LRCH4: variants seen among roughly 807,000 people sequenced by gnomAD.
LRCH4 encodes the protein leucine-rich repeat and calponin homology domain-containing protein 4.
Under a neutral mutation model 81.2 loss-of-function variants are expected in LRCH4, and 56 were observed. The observed-to-expected ratio is 0.69, with a 90% confidence interval of 0.56 to 0.86. The LOEUF is 0.86. Among genes scored for constraint, LRCH4 ranks in the 40% least tolerant of loss-of-function variants. LRCH4 has a pLI of 0.00. For synonymous variants in LRCH4, 442 were observed against 409.7 expected (o/e 1.08, Z -0.95); for missense variants, 895 against 922.8 (o/e 0.97, Z 0.39).
chr7:100,581,984 A>G, intron 3 of LRCH4, 57 bp downstream of exon 3: 1 of 1,601,788 alleles, frequency 6.2e-7, no homozygotes, highest in East Asian at 2.2e-5. Context: ...ACCTCCCCCT[A>G]GAAGGTCCCG....
chr7:100,578,908 G>A lies in LRCH4; in HGVS notation c.599-122C>T, dbSNP rs1801453248. The A allele has an allele frequency of 9.5e-7, 1 of 1,050,846 alleles. No homozygotes were observed. The highest frequency in any genetic ancestry group is 1.6e-5 in the African/African-American group (1 of 62,360). 65.1% of individuals were successfully genotyped at this position (1,050,846 alleles called of 1,614,324 possible). On this transcript the variant is annotated intron_variant, in intron 4 of 17. Coordinates refer to ENST00000310300, the MANE Select transcript of LRCH4 (RefSeq NM_002319.5). This position sits in a 1 kb window ranked among gnomAD's most constrained non-coding sequence, Gnocchi z 5.7. ...GGGCCCAGCACAGCCTCTCCCCTGGGTGGCTCAAGTCATTCCCCGGGAGAA... is the reference window on the plus strand; with the variant it reads ...GGGCCCAGCACAGCCTCTCCCCTGGATGGCTCAAGTCATTCCCCGGGAGAA...
intron 1 of LRCH4, among the ~76,000 whole-genome samples, chr7:100,584,429 C>G (rs1052881670): frequency 2.1e-5 from 3 of 142,004 alleles, no homozygotes; most frequent in East Asian, 2.4e-4. Flanking sequence ...AGGAGGGGGC[C>G]GGGGGCGGGA....
chr7:100,579,463 G>A (rs908700737), intron 4 of LRCH4: 2 of 152,210 alleles, frequency 1.3e-5, no homozygotes, highest in Admixed American at 1.3e-4. Flanking sequence ...CGGGTGTGGT[G>A]GCGGACGCCT....
At position 100,578,763 on chromosome 7, in the gene LRCH4, G is replaced by A. The variant is rs551961361; in HGVS notation, c.622C>T (p.Arg208Cys). The change falls in exon 5 of 18, where the codon CGC (arginine) becomes TGC (cysteine). Residue 208 changes from arginine (R) to cysteine (C), a missense_variant. Physicochemically the swap from Arg to Cys is radical, Grantham distance 180. This residue lies in a region of LRCH4 where 360 missense variants were observed against 397.0 expected (regional missense o/e 0.91). Transcript: ENST00000310300. The surrounding 1 kb of genome is among the most constrained non-coding windows in gnomAD (Gnocchi z 5.7). Reference sequence around the variant, plus strand: ...ACGCGGTTACAGGAGAAATCCAGGCGGACCAGAGGGAGGTCCCCCAGCTCT... The same window carrying A: ...ACGCGGTTACAGGAGAAATCCAGGCAGACCAGAGGGAGGTCCCCCAGCTCT... The part of the protein sequence containing the change: ...PEELGDLPLV[R>C]LDFSCNRVSR... The A allele has an allele frequency of 1.8e-4, 286 of 1,613,674 alleles. 3 individuals are homozygous for A. The South Asian group carries it at 2.6e-3, about 15-fold the overall frequency.
rs769644731 is a variant in LRCH4 at position 100,582,369 on chromosome 7, C to G, written c.311G>C (p.Arg104Thr). 1 of 1,614,020 alleles carries G rather than the reference C, an allele frequency of 6.2e-7. No homozygotes were observed. The highest frequency in any genetic ancestry group is 1.3e-5 in the African/African-American group (1 of 74,928). Residue 104 changes from arginine to threonine, a missense_variant, in exon 2 of 18, where the codon AGA (arginine) becomes ACA (threonine). Physicochemically the swap from Arg to Thr is moderately conservative, Grantham distance 71 (BLOSUM62 -1). Around this residue, in one of 3 missense-constraint regions of LRCH4, gnomAD observed 360 missense variants for 397.0 expected, o/e 0.91. Coordinates refer to ENST00000310300, the MANE Select transcript of LRCH4 (RefSeq NM_002319.5). The surrounding 1 kb of genome is among the most constrained non-coding windows in gnomAD (Gnocchi z 5.0). Reference sequence around the variant, plus strand: ...ATTCCCCAAGGCTGGGTTCAGGCATCTCAGGCAATTGTGGTAGAGGCTCAG... The same window carrying G: ...ATTCCCCAAGGCTGGGTTCAGGCATGTCAGGCAATTGTGGTAGAGGCTCAG... ...EGLSLYHNCL[R>T]CLNPALGNLT...
At position 100,579,014 on chromosome 7, in the gene LRCH4, T is replaced by A. The variant is rs1801455982; in HGVS notation, c.599-228A>T. ...TGAGAGGGCCCATCTGGACGTCAGCTCAGCTTCCCCGGGAAGGCCCATCCG... is the reference window on the plus strand; with the variant it reads ...TGAGAGGGCCCATCTGGACGTCAGCACAGCTTCCCCGGGAAGGCCCATCCG... On this transcript the variant is annotated intron_variant, in intron 4 of 17. Coordinates refer to ENST00000310300, the MANE Select transcript of LRCH4 (RefSeq NM_002319.5). 2.0e-5 allele frequency: 11 copies of A among 555,020 alleles called. No homozygotes were observed. The South Asian group carries it at 2.4e-4, about 12-fold the overall frequency. 34.4% of individuals were successfully genotyped at this position (555,020 alleles called of 1,614,324 possible). A position where few individuals can be genotyped will look rare whatever the true frequency, so the allele number is the denominator to read the frequency against.
At chr7:100,580,555 A>C (rs1801506204) in intron 4 of LRCH4, 1 of 150,486 alleles carries the variant, frequency 6.6e-6, no homozygotes, top group Non-Finnish European at 1.5e-5. Context: ...ACACACACCC[A>C]AACACACACA....
Position 100,575,791 on chromosome 7 carries a change from G to A in LRCH4, c.1777-9C>T. On this transcript the variant is annotated splice_polypyrimidine_tract_variant and intron_variant, in intron 16 of 17. Transcript: ENST00000310300. The surrounding 1 kb of genome is among the most constrained non-coding windows in gnomAD (Gnocchi z 5.3). Reference sequence around the variant, plus strand: ...AGGGCACTGAGTTTTGGCTGGGGTGGGTGAAAGAAGAAAATGTGGTAAGGG... The same window carrying A: ...AGGGCACTGAGTTTTGGCTGGGGTGAGTGAAAGAAGAAAATGTGGTAAGGG... The A allele has an allele frequency of 2.5e-6, 4 of 1,607,398 alleles. No homozygotes were observed. The highest frequency in any genetic ancestry group is 1.3e-5 in the African/African-American group (1 of 74,858).
rs1801415563 is a variant in LRCH4, at chr7:100,577,659, C to G, written c.1116+5G>C. 1 of 1,613,558 alleles carries G rather than the reference C, an allele frequency of 6.2e-7. No individual in the cohort carries two copies. The highest frequency in any genetic ancestry group is 8.5e-7 in the Non-Finnish European group (1 of 1,180,008). On this transcript the variant is annotated splice_donor_5th_base_variant and intron_variant, in intron 9 of 17. Transcript: ENST00000310300. The surrounding 1 kb of genome is among the most constrained non-coding windows in gnomAD (Gnocchi z 6.7). ...CCCTTGGGAGAGGCATAGCTGGGCT[C>G]TCACCTCCACAGTGCCTCGCTCTTC... is the stretch of plus-strand genomic sequence containing the variant.
In LRCH4 at chr7:100,582,524, C is replaced by T; in HGVS notation, c.221-65G>A. 6.5e-7 allele frequency: 1 copy of T among 1,530,602 alleles called. No individual in the cohort carries two copies. Among genetic ancestry groups the T allele is most frequent in the African/African-American group, 1.4e-5 (1 of 73,376 alleles). 94.8% of individuals were successfully genotyped at this position (1,530,602 alleles called of 1,614,324 possible). A position where few individuals can be genotyped will look rare whatever the true frequency, so the allele number is the denominator to read the frequency against. On this transcript the variant is annotated intron_variant, in intron 1 of 17. Coordinates refer to ENST00000310300, the MANE Select transcript of LRCH4 (RefSeq NM_002319.5). The surrounding 1 kb of genome is among the most constrained non-coding windows in gnomAD (Gnocchi z 5.0). The stretch of plus-strand genomic sequence containing the variant: ...CCAGCCCGGACAGGACCTTCAGTCC[C>T]CCCAGAGCCGGCTGCCCACTCCCTC...
chr7:100,576,297 T>G lies in LRCH4; in HGVS notation c.1579A>C (p.Arg527=). The change falls in exon 15 of 18, where the codon AGA becomes CGA. Residue 527 remains arginine, a synonymous_variant. Coordinates refer to ENST00000310300, the MANE Select transcript of LRCH4 (RefSeq NM_002319.5). ...GGAACCTGGGGGTACCGCCGAGGTC[T>G]CAGGACAGAGTCTGGTGAGGAAGGG... ...SGPSSPDSVL[R]PRRYPQVPDE... The G allele has an allele frequency of 1.2e-6, 2 of 1,614,038 alleles. No individual in the cohort carries two copies. Among genetic ancestry groups the G allele is most frequent in the Non-Finnish European group, 8.5e-7 (1 of 1,179,976 alleles).
rs1801339661 is a variant in LRCH4, at chr7:100,575,841, T to G, written c.1776+30A>C. On this transcript the variant is annotated intron_variant, in intron 16 of 17. Coordinates refer to ENST00000310300, the MANE Select transcript of LRCH4 (RefSeq NM_002319.5). The surrounding 1 kb of genome is among the most constrained non-coding windows in gnomAD (Gnocchi z 5.3). Reference sequence around the variant, plus strand: ...GAGAGGCCACAGGCGCCCCGGCCCATCCCCCACCTCTTCCCCAGCCCCAAC... The same window carrying G: ...GAGAGGCCACAGGCGCCCCGGCCCAGCCCCCACCTCTTCCCCAGCCCCAAC... 1 of 1,609,824 alleles carries G rather than the reference T, an allele frequency of 6.2e-7. No individual in the cohort carries two copies. Among genetic ancestry groups the G allele is most frequent in the African/African-American group, 1.3e-5 (1 of 74,848 alleles).
In LRCH4 at chr7:100,582,291, G is replaced by A. The variant is rs756173102; in HGVS notation, c.365+24C>T. On this transcript the variant is annotated intron_variant, in intron 2 of 17. Transcript: ENST00000310300. This position sits in a 1 kb window ranked among gnomAD's most constrained non-coding sequence, Gnocchi z 5.0. Reference sequence around the variant, plus strand: ...GAGACTGAGAAGCACACGCTCCCACGTGGCCCTGGCTCGGCCTCCCTACCT... The same window carrying A: ...GAGACTGAGAAGCACACGCTCCCACATGGCCCTGGCTCGGCCTCCCTACCT... The A allele has an allele frequency of 3.7e-5, 60 of 1,613,934 alleles. No individual in the cohort carries two copies. The highest frequency in any genetic ancestry group is 2.9e-4 in the East Asian group (13 of 44,892).
intron 14 of LRCH4, 54 bp from the exon 15 acceptor site, chr7:100,576,377 T>C: frequency 7.4e-7 from 1 of 1,344,326 alleles, no homozygotes; most frequent in African/African-American, 1.4e-5. Context: ...ACTGACTCTG[T>C]AGCTGGGTCC....
Position 100,578,234 on chromosome 7 carries a change from T to C in LRCH4, c.873A>G (p.Gly291=), listed in dbSNP as rs1217541047. Residue 291 remains glycine (G), a synonymous_variant, in exon 7 of 18, where the codon GGA becomes GGG. Transcript: ENST00000310300. The surrounding 1 kb of genome is among the most constrained non-coding windows in gnomAD (Gnocchi z 5.7). ...SPCPAEDLFP[G]HRYDGGLDSG... ...AGTCCAGCCCACCATCGTACCGATG[T>C]CCCGGAAATAGATCCTCTGCAGGGC... is the stretch of plus-strand genomic sequence containing the variant. 6.2e-7 allele frequency: 1 copy of C among 1,614,180 alleles called. No homozygotes were observed. Among genetic ancestry groups the C allele is most frequent in the African/African-American group, 1.3e-5 (1 of 75,058 alleles).
Position 100,583,206 on chromosome 7 carries a change from C to T in LRCH4, c.221-747G>A, listed in dbSNP as rs766753190. Among the ~76,000 whole-genome samples, 1 of 152,166 alleles carries T rather than the reference C, an allele frequency of 6.6e-6. No individual in the cohort carries two copies. The highest frequency in any genetic ancestry group is 1.5e-5 in the Non-Finnish European group (1 of 68,036). On this transcript the variant is annotated intron_variant, in intron 1 of 17. Coordinates refer to ENST00000310300, the MANE Select transcript of LRCH4 (RefSeq NM_002319.5). This position sits in a 1 kb window ranked among gnomAD's most constrained non-coding sequence, Gnocchi z 4.3. Reference sequence around the variant, plus strand: ...CTACCCTCTGCTAGCCCTAGCAGCCCGGCTCTGCTTCCTCTCTTACTGACA... The same window carrying T: ...CTACCCTCTGCTAGCCCTAGCAGCCTGGCTCTGCTTCCTCTCTTACTGACA...
At chr7:100,576,209 C>G (rs757458094) in intron 15 of LRCH4, 29 bp downstream of exon 15, 28 of 1,609,162 alleles carry the variant, frequency 1.7e-5, no homozygotes, top group Non-Finnish European at 2.3e-5. Context: ...GCCCAGGCCC[C>G]TGCCCACGCA....
intron 4 of LRCH4, 196 bp downstream of exon 4, chr7:100,581,581 T>A: frequency 1.8e-6 from 1 of 554,992 alleles, no homozygotes; most frequent in South Asian, 2.2e-5. Context: ...GAGCCGGCAG[T>A]CTGCAGCCAG....
Position 100,577,210 on chromosome 7 carries a change from C to A in LRCH4, c.1296-56G>T. On this transcript the variant is annotated intron_variant, in intron 11 of 17. Transcript: ENST00000310300. This position sits in a 1 kb window ranked among gnomAD's most constrained non-coding sequence, Gnocchi z 6.7. The stretch of plus-strand genomic sequence containing the variant: ...CCCAAGGCAGAACGGCTCAGCGGGG[C>A]TCGGTGGCCCCATTTCCAGGGCTCA... 6.2e-7 allele frequency: 1 copy of A among 1,609,728 alleles called. No individual in the cohort carries two copies. Among genetic ancestry groups the A allele is most frequent in the East Asian group, 2.2e-5 (1 of 44,842 alleles).
Sources: gnomAD v4.1 joint callset for allele counts (sites outside exome capture counted in the v4.1 genomes callset) on GRCh38, gnomAD v4.1.1 for gene constraint, gnomAD v4.1.1 regional missense constraint, Gnocchi (gnomAD v3.1) non-coding constraint, MANE v1.5 for transcripts, NCBI Gene and HGNC (gene_info 2026-07-23, HGNC 2026-07-21) for gene names.